LRRTM4: variants seen among roughly 807,000 people sequenced by gnomAD.
The protein encoded by LRRTM4 is leucine-rich repeat transmembrane neuronal protein 4.
LRRTM4 carries 25 observed loss-of-function variants against 47.6 expected under a neutral mutation model. The observed-to-expected ratio is 0.53, with a 90% CI of 0.38 to 0.73. The LOEUF (loss-of-function observed/expected upper bound fraction) is 0.73. Among genes scored for constraint, LRRTM4 ranks in the 30% least tolerant of loss-of-function variants. The pLI is 0.00. For missense variants in LRRTM4, 638 were observed against 713.4 expected (o/e 0.89, Z 1.20); for synonymous variants, 311 against 269.5 (o/e 1.15, Z -1.51).
chr2:76,861,254 C>T (rs539892672), intron 3 of LRRTM4, among the ~76,000 whole-genome samples: 1 of 152,160 alleles, frequency 6.6e-6, no homozygotes, highest in East Asian at 1.9e-4. Flanking sequence ...TTCTTGTATT[C>T]TAAAATTCCA....
chr2:77,521,927 GA>G, intron 1 of LRRTM4, 109 bp from the exon 2 acceptor site: 4 of 509,216 alleles, frequency 7.9e-6, no homozygotes, highest in South Asian at 3.0e-5. Flanking sequence ...TGGGGGCAGG[GA>G]AAAGGAAGCC....
chr2:77,411,384 TTCTC>T (rs1432113756), intron 3 of LRRTM4, among the ~76,000 whole-genome samples: 1 of 151,696 alleles, frequency 6.6e-6, no homozygotes, highest in East Asian at 1.9e-4. Flanking sequence ...CTTTCTTTCT[TTCTC>T]TCTTTCTTTC....
intron 3 of LRRTM4, among the ~76,000 whole-genome samples, chr2:76,782,873 G>A (rs1914507): frequency 0.074 from 11,225 of 152,116 alleles, 774 homozygotes; most frequent in East Asian, 0.28. Context: ...AATTTAAATC[G>A]CTATTGGGGA....
At chr2:77,285,340 T>TTATATATA (rs10527679) in intron 3 of LRRTM4, among the ~76,000 whole-genome samples, 2,633 of 82,562 alleles carry the variant, frequency 0.032, 217 homozygotes, top group African/African-American at 0.077. Context: ...AGCATTAAAT[T>TTATATATA]TATATATATA....
In LRRTM4 at chr2:77,149,269, T is replaced by C. The variant is rs78365212; in HGVS notation, c.1551+369049A>G. 1.1e-3 allele frequency among the ~76,000 whole-genome samples: 165 copies of C among 152,282 alleles called. No homozygotes were observed. The East Asian group carries it at 0.024, about 22-fold the overall frequency. On this transcript the variant is annotated intron_variant, in intron 3 of 3. Transcript: ENST00000409884. The stretch of plus-strand genomic sequence containing the variant: ...CAATTGCATACTAAAATACAATATT[T>C]TAGACATATTGAGCTAAATAAAATA...
intron 3 of LRRTM4, among the ~76,000 whole-genome samples, chr2:76,942,674 A>ATGTGTGTGTGTG (rs750604219): frequency 0.033 from 4,033 of 123,254 alleles, 74 homozygotes; most frequent in African/African-American, 0.057. Flanking sequence ...ACCTCTAGGA[A>ATGTGTGTGTGTG]TCTGTGTGTG....
chr2:77,207,340 C>CATATATATATAT (rs1285500508), intron 3 of LRRTM4, among the ~76,000 whole-genome samples: 1 of 90,026 alleles, frequency 1.1e-5, no homozygotes, highest in African/African-American at 6.7e-5. Flanking sequence ...TTCCTAATTT[C>CATATATATATAT]ATATATGTGT....
intron 3 of LRRTM4, among the ~76,000 whole-genome samples, chr2:77,135,844 A>G (rs554293563): frequency 6.6e-6 from 1 of 152,306 alleles, no homozygotes; most frequent in African/African-American, 2.4e-5. Flanking sequence ...ATGTAAGAAG[A>G]ATGTAATAAG....
intron 3 of LRRTM4, among the ~76,000 whole-genome samples, chr2:77,106,122 A>G (rs1265412414): frequency 6.6e-6 from 1 of 152,172 alleles, no homozygotes; most frequent in African/African-American, 2.4e-5. Context: ...CTCAGATTAA[A>G]TATCACTTTT....
At chr2:77,302,782 TG>T (rs1191847399) in intron 3 of LRRTM4, among the ~76,000 whole-genome samples, 1 of 152,168 alleles carries the variant, frequency 6.6e-6, no homozygotes, top group Non-Finnish European at 1.5e-5. Flanking sequence ...GACTGTGGAA[TG>T]AGGTTGTGGG....
chr2:77,158,131 T>A (rs1474549493), intron 3 of LRRTM4, among the ~76,000 whole-genome samples: 1 of 150,004 alleles, frequency 6.7e-6, no homozygotes, highest in Admixed American at 6.6e-5. Context: ...AGGGAGGAGG[T>A]ATGGAGAGAG....
At chr2:77,064,924 G>A (rs953567098) in intron 3 of LRRTM4, among the ~76,000 whole-genome samples, 1 of 151,974 alleles carries the variant, frequency 6.6e-6, no homozygotes, top group Non-Finnish European at 1.5e-5. Flanking sequence ...CCTACATTCT[G>A]GAGCCTGCCC....
intron 3 of LRRTM4, among the ~76,000 whole-genome samples, chr2:77,137,538 C>G (rs534675556): frequency 3.1e-4 from 47 of 152,072 alleles, no homozygotes; most frequent in African/African-American, 1.1e-3. Flanking sequence ...TTGTAAAGAC[C>G]ATCAAGGCTA....
chr2:77,220,958 A>C (rs1674607334), intron 3 of LRRTM4, among the ~76,000 whole-genome samples: 1 of 152,192 alleles, frequency 6.6e-6, no homozygotes, highest in African/African-American at 2.4e-5. Context: ...CCAGAGAGAA[A>C]AGTCAGCTTA....
chr2:77,001,879 A>G (rs1344311419), intron 3 of LRRTM4, among the ~76,000 whole-genome samples: 1 of 152,128 alleles, frequency 6.6e-6, no homozygotes, highest in Non-Finnish European at 1.5e-5. Flanking sequence ...AGAAATATCT[A>G]TGACAAACAT....
chr2:76,827,759 C>G (rs1291020865), intron 3 of LRRTM4, among the ~76,000 whole-genome samples: 2 of 151,758 alleles, frequency 1.3e-5, no homozygotes, highest in Middle Eastern at 3.2e-3. Flanking sequence ...ATGCCAATAC[C>G]TATCAAGATA....
intron 3 of LRRTM4, among the ~76,000 whole-genome samples, chr2:77,325,061 G>C (rs1324690337): frequency 1.3e-5 from 2 of 152,112 alleles, no homozygotes; most frequent in Non-Finnish European, 2.9e-5. Context: ...TTAGTTGTTT[G>C]CTTGGCTCAC....
At chr2:77,341,359 T>C (rs1024238854) in intron 3 of LRRTM4, among the ~76,000 whole-genome samples, 1 of 151,984 alleles carries the variant, frequency 6.6e-6, no homozygotes, top group African/African-American at 2.4e-5. Context: ...TTGTCTGGTA[T>C]ATACCCCCTC....
chr2:76,785,652 TATATGTTAAG>T (rs1674633851), intron 3 of LRRTM4, among the ~76,000 whole-genome samples: 6 of 152,148 alleles, frequency 3.9e-5, no homozygotes, highest in Admixed American at 3.9e-4. Context: ...AGCTAGATAG[TATATGTTAAG>T]ATATTAAAAT....
Sources: allele counts gnomAD v4.1 joint callset (sites outside exome capture counted in the v4.1 genomes callset), GRCh38; gene constraint gnomAD v4.1.1; transcripts MANE v1.5; gene names NCBI Gene and HGNC (gene_info 2026-07-23, HGNC 2026-07-21).